Variants in CUX1 observed in about 807,000 individuals in gnomAD.
CUX1 encodes the protein protein CASP.
In CUX1, 31 loss-of-function variants were observed where a neutral mutation model predicts 158.8. That is an observed-to-expected ratio of 0.20 (90% CI 0.15 to 0.26). The LOEUF is 0.26. Ranked by LOEUF, CUX1 falls within the 10% of genes least tolerant of loss-of-function variation. The pLI, the probability that CUX1 is intolerant of heterozygous loss-of-function variation, is 1.00. For synonymous variants in CUX1, 879 were observed against 862.1 expected (o/e 1.02, Z -0.34); for missense variants, 1,589 against 2,014.6 (o/e 0.79, Z 4.04).
At chr7:102,282,610 C>T (rs1018451568) in intron 21 of CUX1, 2 of 1,253,658 alleles carry the variant, frequency 1.6e-6, no homozygotes, top group Admixed American at 2.2e-5. Context: ...GAGTCTGGGG[C>T]TCGAGAACCT....
At position 102,079,702 on chromosome 7, in the gene CUX1, T is replaced by G. The variant is rs782131538; in HGVS notation, c.268+9285T>G. 5.9e-5 allele frequency among the ~76,000 whole-genome samples: 9 copies of G among 152,224 alleles called. 1 individual carries two copies. The highest frequency in any genetic ancestry group is 6.8e-3 in the Middle Eastern group (2 of 294). On this transcript the variant is annotated intron_variant, in intron 4 of 23. Coordinates refer to ENST00000292535, the MANE Select transcript of CUX1 (RefSeq NM_181552.4). ...ACATGCGGGATCCCTTTACAAATCCTCAGTTTGCCTTCATAAAACATTTTC... is the reference window on the plus strand; with the variant it reads ...ACATGCGGGATCCCTTTACAAATCCGCAGTTTGCCTTCATAAAACATTTTC...
At chr7:102,205,881 G>GC (rs139149455) in intron 20 of CUX1, among the ~76,000 whole-genome samples, 5 of 151,884 alleles carry the variant, frequency 3.3e-5, no homozygotes, top group African/African-American at 9.7e-5. Flanking sequence ...TCTCGTCTGC[G>GC]CCCCCCCGCC....
rs145550989 is a variant in CUX1 at position 102,227,434 on chromosome 7, G to A, written c.3198G>A (p.Ser1066=). ...AGTCCCCGATGAGTTCCAGTGAGTC[G>A]GTGAAGAGCCTGACCGAGCTGGTCC... is the stretch of plus-strand genomic sequence containing the variant. ...APESPMSSSE[S]VKSLTELVQQ... Residue 1066 remains serine, a synonymous_variant, in exon 21 of 24, where the codon TCG becomes TCA. Transcript: ENST00000292535. 4.4e-4 allele frequency: 708 copies of A among 1,613,976 alleles called. 6 individuals carry two copies. The South Asian group carries it at 5.9e-3, about 13-fold the overall frequency.
intron 3 of CUX1, among the ~76,000 whole-genome samples, chr7:102,044,970 C>G (rs765589530): frequency 2.6e-5 from 4 of 152,132 alleles, no homozygotes; most frequent in Non-Finnish European, 5.9e-5. Flanking sequence ...TATGTCTGTC[C>G]GCAGGCTCTT....
Position 102,209,397 on chromosome 7 carries a change from C to T in CUX1, c.3130+4227C>T, listed in dbSNP as rs897430616. 5.9e-5 allele frequency among the ~76,000 whole-genome samples: 9 copies of T among 152,030 alleles called. No homozygotes were observed. The South Asian group carries it at 6.2e-4, about 11-fold the overall frequency. On this transcript the variant is annotated intron_variant, in intron 20 of 23. Transcript: ENST00000292535. ...TTTAAGCAGCAGCGTCACTAGTGACCCACCACTTTTTCTTAGACACTGTTG... is the reference window on the plus strand; with the variant it reads ...TTTAAGCAGCAGCGTCACTAGTGACTCACCACTTTTTCTTAGACACTGTTG...
chr7:101,884,880 G>A (rs1800068654), intron 1 of CUX1, among the ~76,000 whole-genome samples: 1 of 151,990 alleles, frequency 6.6e-6, no homozygotes, highest in South Asian at 2.1e-4. Context: ...GGAATCCCCG[G>A]CTCCAGTTCT....
At chr7:102,247,007 A>T (rs1169801920) in intron 23 of CUX1, among the ~76,000 whole-genome samples, 1 of 152,120 alleles carries the variant, frequency 6.6e-6, no homozygotes, top group Admixed American at 6.6e-5. Flanking sequence ...ACTCCAGCCT[A>T]AGCAACATCA....
chr7:101,913,763 G>A (rs933561748), intron 1 of CUX1, among the ~76,000 whole-genome samples: 1 of 152,190 alleles, frequency 6.6e-6, no homozygotes, highest in Non-Finnish European at 1.5e-5. Context: ...AGGGACCCCC[G>A]GCCAAAAGCA....
chr7:101,882,387 C>T lies in CUX1; in HGVS notation c.31-33728C>T, dbSNP rs547269714. Among the ~76,000 whole-genome samples, 88 of 151,908 alleles carry T rather than the reference C, an allele frequency of 5.8e-4. 1 individual carries two copies. In the Middle Eastern group the frequency reaches 0.017, roughly 29 times the overall value. ...ACACAACTTGGCTTAGCCTAGTTGG[C>T]AAAAGTGTCTCTTCAGAGACCTACC... is the stretch of plus-strand genomic sequence containing the variant. On this transcript the variant is annotated intron_variant, in intron 1 of 23. Transcript: ENST00000292535.
Position 102,248,500 on chromosome 7 carries a change from A to T in CUX1, c.3976A>T (p.Ser1326Cys). 1.3e-6 allele frequency: 2 copies of T among 1,567,248 alleles called. No individual in the cohort carries two copies. The highest frequency in any genetic ancestry group is 1.7e-6 in the Non-Finnish European group (2 of 1,160,512). ...AGASDSPSARSGRAAPSSEGD... is the reference protein window; with the variant it reads ...AGASDSPSARCGRAAPSSEGD... Reference sequence around the variant, plus strand: ...CGCCAGCGACTCACCCTCGGCCCGCAGCGGCCGGGCGGCGCCCAGCTCGGA... The same window carrying T: ...CGCCAGCGACTCACCCTCGGCCCGCTGCGGCCGGGCGGCGCCCAGCTCGGA... Residue 1326 changes from serine to cysteine, a missense_variant, in exon 24 of 24, where the codon AGC (serine) becomes TGC (cysteine). By Grantham distance (112) the Ser-to-Cys change is moderately radical. Transcript: ENST00000292535. The surrounding 1 kb of genome is among the most constrained non-coding windows in gnomAD (Gnocchi z 5.8).
intron 4 of CUX1, among the ~76,000 whole-genome samples, chr7:102,080,710 G>C (rs1225646502): frequency 6.6e-6 from 1 of 152,158 alleles, no homozygotes; most frequent in Non-Finnish European, 1.5e-5. Context: ...CCGCCTGCAG[G>C]CCTCTGCAGC....
intron 18 of CUX1, among the ~76,000 whole-genome samples, chr7:102,278,979 G>A (rs1554548523): frequency 6.6e-6 from 1 of 152,066 alleles, no homozygotes; most frequent in African/African-American, 2.4e-5. Context: ...GGTACAGGCT[G>A]CAGTGAGCTG....
chr7:101,984,089 A>AATATATATAT (rs1195893037), intron 2 of CUX1, among the ~76,000 whole-genome samples: 3 of 29,798 alleles, frequency 1.0e-4, no homozygotes, highest in Non-Finnish European at 1.4e-4. Flanking sequence ...AAAAAAAAAA[A>AATATATATAT]ATATATATAT....
chr7:102,184,468 A>T (rs1423728245), intron 11 of CUX1, among the ~76,000 whole-genome samples: 3 of 152,092 alleles, frequency 2.0e-5, no homozygotes, highest in African/African-American at 7.2e-5. Flanking sequence ...TTGAAAACCC[A>T]TATTCATTCT....
intron 21 of CUX1, among the ~76,000 whole-genome samples, chr7:102,233,248 C>T (rs1799184128): frequency 7.1e-6 from 1 of 141,536 alleles, no homozygotes; most frequent in African/African-American, 2.7e-5. Flanking sequence ...TGCAGTGGTG[C>T]AATCATAGCT....
In CUX1 at chr7:102,112,583, T is replaced by G. The variant is rs189773099; in HGVS notation, c.607+809T>G. Among the ~76,000 whole-genome samples the G allele has an allele frequency of 1.4e-3, 205 of 151,732 alleles. 1 individual carries two copies. Among genetic ancestry groups the G allele is most frequent in the Middle Eastern group, 3.4e-3 (1 of 294 alleles). ...TTTGTTTTGTTTTGTTTTTGTTTTT[T>G]TTTTGAGACAGGGTCTTGCTCTGTC... On this transcript the variant is annotated intron_variant, in intron 7 of 23. Coordinates refer to ENST00000292535, the MANE Select transcript of CUX1 (RefSeq NM_181552.4).
chr7:101,880,594 A>T (rs1214435979), intron 1 of CUX1, among the ~76,000 whole-genome samples: 1 of 152,258 alleles, frequency 6.6e-6, no homozygotes, highest in Non-Finnish European at 1.5e-5. Context: ...GGCAGAAATG[A>T]TGAACCTGAT....
rs560917102 is a variant in CUX1 at position 102,201,853 on chromosome 7, G to GGGCAGCGGT, written c.2565_2573dup (p.Ser857_Gly859dup). ...AAGAAACGGGCGGCGGGAAAGAGAAGGGCAGCGGTGGCAGCGGAGGTGGCA... is the reference window on the plus strand; with the variant it reads ...AAGAAACGGGCGGCGGGAAAGAGAAGGGCAGCGGTGGCAGCGGTGGCAGCGGAGGTGGCA... On this transcript the variant is annotated inframe_insertion, in exon 18 of 24. Transcript: ENST00000292535. The surrounding 1 kb of genome is among the most constrained non-coding windows in gnomAD (Gnocchi z 5.0). The GGGCAGCGGT allele has an allele frequency of 1.0e-3, 1,688 of 1,613,378 alleles. 12 individuals carry two copies. The African/African-American group carries it at 0.02, about 19-fold the overall frequency.
rs58793343 is a variant in CUX1 at position 101,821,671 on chromosome 7, CTTTTTTTT to C, written c.30+4021_30+4028del. ...CTTTTCTTTTCTTTTTTTCTTTTTT[CTTTTTTTT>C]TTTTTTTTTTTTTTTTTTGAGACGT... is the stretch of plus-strand genomic sequence containing the variant. On this transcript the variant is annotated intron_variant, in intron 1 of 23. Coordinates refer to ENST00000292535, the MANE Select transcript of CUX1 (RefSeq NM_181552.4). Among the ~76,000 whole-genome samples the C allele has an allele frequency of 1.6e-3, 83 of 51,326 alleles. 1 individual carries two copies. The South Asian group carries it at 0.046, about 29-fold the overall frequency. 33.7% of individuals were successfully genotyped at this position (51,326 alleles called of 152,430 possible).
Sources: allele counts gnomAD v4.1 joint callset (sites outside exome capture counted in the v4.1 genomes callset), GRCh38; gene constraint gnomAD v4.1.1; non-coding constraint Gnocchi (gnomAD v3.1); transcripts MANE v1.5; gene names NCBI Gene and HGNC (gene_info 2026-07-23, HGNC 2026-07-21).